Variants in MACROD2 observed in about 807,000 individuals in gnomAD.
The protein encoded by MACROD2 is ADP-ribose glycohydrolase MACROD2.
In MACROD2, 36 loss-of-function variants were observed where a neutral mutation model predicts 70.4. The observed-to-expected ratio is 0.51, with a 90% CI of 0.39 to 0.68. The LOEUF is 0.68. Ranked by LOEUF, MACROD2 falls within the 30% of genes least tolerant of loss-of-function variation. MACROD2 has a pLI of 0.00. For missense variants in MACROD2, 496 were observed against 538.4 expected (o/e 0.92, Z 0.78); for synonymous variants, 172 against 178.8 (o/e 0.96, Z 0.30).
chr20:14,997,464 G>A (rs1181584218), intron 5 of MACROD2, among the ~76,000 whole-genome samples: 1 of 152,060 alleles, frequency 6.6e-6, no homozygotes, highest in African/African-American at 2.4e-5. Flanking sequence ...CTGGCTTCAG[G>A]TGTGACTCAC....
chr20:15,283,223 C>T (rs578033699), intron 6 of MACROD2, among the ~76,000 whole-genome samples: 1 of 152,266 alleles, frequency 6.6e-6, no homozygotes, highest in African/African-American at 2.4e-5. Context: ...ACCATATCAG[C>T]CCCAGACCCT....
chr20:15,300,982 G>A (rs1196333407), intron 6 of MACROD2, among the ~76,000 whole-genome samples: 1 of 152,174 alleles, frequency 6.6e-6, no homozygotes, highest in Non-Finnish European at 1.5e-5. Context: ...CTGCTATGAA[G>A]TGGGGAGGTC....
intron 3 of MACROD2, among the ~76,000 whole-genome samples, chr20:14,158,183 G>T (rs2055131643): frequency 6.6e-6 from 1 of 152,108 alleles, no homozygotes; most frequent in African/African-American, 2.4e-5. Flanking sequence ...GATTAGTGAT[G>T]TTGAGCATTT....
At chr20:15,817,040 C>T (rs2063884354) in intron 8 of MACROD2, among the ~76,000 whole-genome samples, 1 of 152,152 alleles carries the variant, frequency 6.6e-6, no homozygotes, top group South Asian at 2.1e-4. Flanking sequence ...GAGGCTAAGC[C>T]TTTGTAAGTT....
intron 2 of MACROD2, among the ~76,000 whole-genome samples, chr20:14,053,912 T>G (rs555447215): frequency 1.3e-5 from 2 of 152,174 alleles, no homozygotes; most frequent in Non-Finnish European, 2.9e-5. Context: ...AGGATATTGA[T>G]TTTTTTCTAT....
At chr20:15,453,449 T>C (rs751427045) in intron 7 of MACROD2, among the ~76,000 whole-genome samples, 3 of 152,198 alleles carry the variant, frequency 2.0e-5, no homozygotes, top group Non-Finnish European at 4.4e-5. Flanking sequence ...GTTTACATCA[T>C]GATCCAGTTC....
chr20:16,031,566 A>G (rs1300741236), intron 15 of MACROD2, among the ~76,000 whole-genome samples: 1 of 152,168 alleles, frequency 6.6e-6, no homozygotes, highest in Non-Finnish European at 1.5e-5. Context: ...GTGTAGAAAC[A>G]CATCAGAAGT....
intron 5 of MACROD2, among the ~76,000 whole-genome samples, chr20:15,050,819 C>T (rs755754328): frequency 6.6e-6 from 1 of 151,314 alleles, no homozygotes; most frequent in Non-Finnish European, 1.5e-5. Flanking sequence ...AAATTCATCC[C>T]TGATGTAAGG....
chr20:14,310,605 A>T, intron 3 of MACROD2, among the ~76,000 whole-genome samples: 1 of 152,138 alleles, frequency 6.6e-6, no homozygotes, highest in East Asian at 1.9e-4. Context: ...TAGTTTATGT[A>T]TTTACTATAC....
At chr20:15,920,189 G>A (rs146124939) in intron 10 of MACROD2, among the ~76,000 whole-genome samples, 126 of 152,312 alleles carry the variant, frequency 8.3e-4, no homozygotes, top group African/African-American at 3.0e-3. Context: ...AGAAGGAATG[G>A]CAATAGATCT....
intron 3 of MACROD2, among the ~76,000 whole-genome samples, chr20:14,120,912 G>T (rs573583562): frequency 5.0e-4 from 75 of 151,100 alleles, no homozygotes; most frequent in African/African-American, 1.5e-3. Flanking sequence ...TGTTATGGGT[G>T]GGGGGTGAGG....
intron 3 of MACROD2, among the ~76,000 whole-genome samples, chr20:14,099,170 C>T (rs1383226959): frequency 3.3e-5 from 5 of 151,940 alleles, no homozygotes; most frequent in African/African-American, 1.2e-4. Context: ...CCCAGCTACT[C>T]AGGAGGCTGA....
At chr20:15,579,312 C>A (rs1600622324) in intron 8 of MACROD2, among the ~76,000 whole-genome samples, 1 of 152,166 alleles carries the variant, frequency 6.6e-6, no homozygotes, top group African/African-American at 2.4e-5. Flanking sequence ...AAGAGTAATT[C>A]TTTTCTCATA....
At position 15,845,076 on chromosome 20, in the gene MACROD2, A is replaced by C. The variant is rs1476451367; in HGVS notation, c.646-17669A>C. Among the ~76,000 whole-genome samples the C allele has an allele frequency of 6.6e-5, 10 of 152,238 alleles. No homozygotes were observed. In the East Asian group the frequency reaches 1.4e-3, roughly 21 times the overall value. ...ACTGCTGTTAAAGTCAAGGTTTTGGAGGTATACTGAGTTGAAGAGTGTGTT... is the reference window on the plus strand; with the variant it reads ...ACTGCTGTTAAAGTCAAGGTTTTGGCGGTATACTGAGTTGAAGAGTGTGTT... On this transcript the variant is annotated intron_variant, in intron 8 of 17. Coordinates refer to ENST00000684519, the MANE Select transcript of MACROD2 (RefSeq NM_001351661.2).
At chr20:14,765,293 G>A (rs888456741) in intron 5 of MACROD2, among the ~76,000 whole-genome samples, 1 of 152,024 alleles carries the variant, frequency 6.6e-6, no homozygotes. Context: ...ACAGGAGTTG[G>A]CAGAAATGGG....
intron 5 of MACROD2, among the ~76,000 whole-genome samples, chr20:15,162,835 A>G (rs2145876876): frequency 6.6e-6 from 1 of 152,276 alleles, no homozygotes; most frequent in Admixed American, 6.5e-5. Flanking sequence ...GGAGAAACAC[A>G]ATAATTGAAA....
chr20:15,552,747 C>G (rs553525638), intron 8 of MACROD2: 7 of 152,320 alleles, frequency 4.6e-5, no homozygotes, highest in Admixed American at 1.3e-4. Flanking sequence ...GGAGAAGATT[C>G]ACTGAATAAA....
intron 5 of MACROD2, among the ~76,000 whole-genome samples, chr20:15,026,139 A>T (rs1228802533): frequency 2.0e-5 from 3 of 152,220 alleles, no homozygotes; most frequent in Non-Finnish European, 4.4e-5. Flanking sequence ...TAGTTCTCTG[A>T]AAACAAAAGC....
intron 5 of MACROD2, chr20:14,884,346 G>T (rs868480182): frequency 6.6e-6 from 1 of 152,422 alleles, no homozygotes; most frequent in African/African-American, 2.4e-5. Context: ...TCCAGGTGGT[G>T]TGAGCTGTGG....
Sources: gnomAD v4.1 joint callset for allele counts (sites outside exome capture counted in the v4.1 genomes callset) on GRCh38, gnomAD v4.1.1 for gene constraint, MANE v1.5 for transcripts, NCBI Gene and HGNC (gene_info 2026-07-23, HGNC 2026-07-21) for gene names.